EYS: variants seen among roughly 807,000 people sequenced by gnomAD.
EYS encodes EGF-like photoreceptor maintenance factor.
Under a neutral mutation model 282.1 loss-of-function variants are expected in EYS, and 250 were observed. That is an observed-to-expected ratio of 0.89 (90% CI 0.80 to 0.98). The LOEUF is 0.98. Among genes scored for constraint, EYS ranks in the 50% least tolerant of loss-of-function variants. The pLI is 0.00. For missense variants in EYS, 4,016 were observed against 3,709.0 expected, an observed-to-expected ratio of 1.08 and a Z score of -2.15; for synonymous variants, 1,355 against 1,282.9, an observed-to-expected ratio of 1.06 and a Z score of -1.20.
At chr6:64,718,642 GC>G (rs749526854) in intron 22 of EYS, among the ~76,000 whole-genome samples, 9 of 152,080 alleles carry the variant, frequency 5.9e-5, no homozygotes, top group Non-Finnish European at 1.0e-4. Flanking sequence ...GAATACATAT[GC>G]CTCACAGCAT....
chr6:65,613,622 A>G (rs1766079308), intron 2 of EYS, among the ~76,000 whole-genome samples: 1 of 151,910 alleles, frequency 6.6e-6, no homozygotes, highest in South Asian at 2.1e-4. Context: ...AAATGGGTTT[A>G]CATGATTTAG....
At chr6:65,659,859 A>G (rs1385108315) in intron 1 of EYS, among the ~76,000 whole-genome samples, 1 of 151,728 alleles carries the variant, frequency 6.6e-6, no homozygotes, top group Non-Finnish European at 1.5e-5. Context: ...TAATAAAATA[A>G]TTCACACAAG....
At chr6:65,146,123 G>A (rs1764470441) in intron 12 of EYS, among the ~76,000 whole-genome samples, 1 of 151,372 alleles carries the variant, frequency 6.6e-6, no homozygotes, top group African/African-American at 2.4e-5. Context: ...AGTAAATATA[G>A]CACTATTTTG....
chr6:64,077,450 G>A (rs1191835597), intron 32 of EYS, among the ~76,000 whole-genome samples: 2 of 151,914 alleles, frequency 1.3e-5, no homozygotes, highest in African/African-American at 2.4e-5. Context: ...AAATCTTTTA[G>A]TCTTCCATAA....
At chr6:65,590,241 TGAAG>T (rs1765185411) in intron 2 of EYS, among the ~76,000 whole-genome samples, 1 of 152,004 alleles carries the variant, frequency 6.6e-6, no homozygotes. Context: ...CAGTACCCAA[TGAAG>T]CAATGTGCAA....
At chr6:65,362,904 T>C (rs1764767691) in intron 8 of EYS, among the ~76,000 whole-genome samples, 1 of 152,040 alleles carries the variant, frequency 6.6e-6, no homozygotes, top group Non-Finnish European at 1.5e-5. Context: ...AAAAAGAAAA[T>C]TAGAAAAGTT....
At chr6:65,420,850 G>T (rs1346151506) in intron 5 of EYS, among the ~76,000 whole-genome samples, 1 of 151,798 alleles carries the variant, frequency 6.6e-6, no homozygotes, top group African/African-American at 2.4e-5. Flanking sequence ...CATTGTCACT[G>T]AGCAGTAATA....
At position 64,822,687 on chromosome 6, in the gene EYS, G is replaced by A. The variant is rs1223224422; in HGVS notation, c.3128C>T (p.Ala1043Val). The A allele has an allele frequency of 3.2e-6, 5 of 1,545,048 alleles. No homozygotes were observed. Among genetic ancestry groups the A allele is most frequent in the South Asian group, 1.2e-5 (1 of 81,746 alleles). ...GFFGTHCETN[A>V]NDCLSNPCLH... is the part of the protein sequence containing the mutation. ...ACAAGGATTTGAAAGGCAATCATTG[G>A]CGTTTGTTTCACAGTGTGTTCCAAA... Residue 1043 changes from alanine to valine, a missense_variant, in exon 20 of 43, where the codon GCC (alanine) becomes GTC (valine). Coordinates refer to ENST00000503581, the MANE Select transcript of EYS (RefSeq NM_001142800.2).
intron 5 of EYS, among the ~76,000 whole-genome samples, chr6:65,430,569 G>T (rs561081427): frequency 6.6e-6 from 1 of 152,316 alleles, no homozygotes; most frequent in South Asian, 2.1e-4. Flanking sequence ...ACCAGCTGGG[G>T]CAGCTAAGGG....
At chr6:64,098,062 A>G (rs902338957) in intron 31 of EYS, among the ~76,000 whole-genome samples, 3 of 152,216 alleles carry the variant, frequency 2.0e-5, no homozygotes, top group South Asian at 2.1e-4. Context: ...AAACTGTTAC[A>G]TCTTACTGGG....
intron 31 of EYS, among the ~76,000 whole-genome samples, chr6:64,151,770 A>G (rs903439419): frequency 6.6e-6 from 1 of 152,222 alleles, no homozygotes; most frequent in Admixed American, 6.5e-5. Flanking sequence ...CTGTAGAAGC[A>G]GTAATATTTG....
At chr6:63,828,305 A>C (rs1035859669) in intron 36 of EYS, among the ~76,000 whole-genome samples, 1 of 152,122 alleles carries the variant, frequency 6.6e-6, no homozygotes, top group East Asian at 2.0e-4. Context: ...TTCTTTGAAA[A>C]GATAAGTAAA....
chr6:64,889,715 G>A (rs527480362), intron 18 of EYS, among the ~76,000 whole-genome samples: 4 of 151,920 alleles, frequency 2.6e-5, no homozygotes, highest in Non-Finnish European at 5.9e-5. Flanking sequence ...TCCTATGCCC[G>A]TCTTTACTTT....
At chr6:65,619,815 G>A (rs1367379842) in intron 2 of EYS, among the ~76,000 whole-genome samples, 2 of 150,554 alleles carry the variant, frequency 1.3e-5, no homozygotes, top group African/African-American at 2.4e-5. Flanking sequence ...AGATAATCAT[G>A]CGGTTTTTGT....
At chr6:64,851,841 A>G (rs1447858662) in intron 19 of EYS, among the ~76,000 whole-genome samples, 1 of 152,022 alleles carries the variant, frequency 6.6e-6, no homozygotes, top group South Asian at 2.1e-4. Context: ...AAAATAACTA[A>G]TGACTACTAG....
At chr6:64,881,199 C>A (rs1040376435) in intron 19 of EYS, among the ~76,000 whole-genome samples, 5 of 151,682 alleles carry the variant, frequency 3.3e-5, no homozygotes. Context: ...GGTTTTTGTA[C>A]CCTTATCATC....
At chr6:65,671,391 C>T (rs995586990) in intron 1 of EYS, among the ~76,000 whole-genome samples, 3 of 151,736 alleles carry the variant, frequency 2.0e-5, no homozygotes, top group Non-Finnish European at 4.4e-5. Flanking sequence ...ATTTGGTTGA[C>T]TAACACTTGT....
intron 28 of EYS, among the ~76,000 whole-genome samples, chr6:64,389,911 T>G (rs1311838121): frequency 2.6e-5 from 4 of 151,822 alleles, no homozygotes; most frequent in African/African-American, 7.3e-5. Context: ...GGTCAGTGGG[T>G]GTGCACACCG....
chr6:65,320,231 C>T (rs71572521), intron 11 of EYS, among the ~76,000 whole-genome samples: 27,629 of 83,630 alleles, frequency 0.33, 3,047 homozygotes, highest in Non-Finnish European at 0.43. Context: ...ATTTGGGCTG[C>T]GAGTCAGCCA....
Sources: gnomAD v4.1 joint callset for allele counts (sites outside exome capture counted in the v4.1 genomes callset) on GRCh38, gnomAD v4.1.1 for gene constraint, MANE v1.5 for transcripts, NCBI Gene and HGNC (gene_info 2026-07-23, HGNC 2026-07-21) for gene names.